Variants in PRKD1 observed in about 807,000 individuals in gnomAD.
PRKD1 encodes protein kinase D1.
PRKD1 carries 63 observed loss-of-function variants against 95.9 expected under a neutral mutation model. The ratio of observed to expected loss-of-function variants is 0.66; its 90% CI spans 0.54 to 0.81. The LOEUF is 0.81. Among genes scored for constraint, PRKD1 ranks in the 30% least tolerant of loss-of-function variants. The probability of loss-of-function intolerance (pLI) is 0.00; values close to 1 mark genes in which losing one functional copy is unlikely to be tolerated. For synonymous variants in PRKD1, 425 were observed against 423.1 expected (o/e 1.00, Z -0.05); for missense variants, 1,048 against 1,165.3 (o/e 0.90, Z 1.47).
At chr14:29,771,351 G>A (rs1016750185) in intron 1 of PRKD1, among the ~76,000 whole-genome samples, 6 of 152,100 alleles carry the variant, frequency 3.9e-5, no homozygotes, top group African/African-American at 1.4e-4. Flanking sequence ...TCAAACAAGG[G>A]CTCTTGGGCA....
chr14:29,772,845 C>T (rs1256828451), intron 1 of PRKD1, among the ~76,000 whole-genome samples: 1 of 152,202 alleles, frequency 6.6e-6, no homozygotes, highest in Non-Finnish European at 1.5e-5. Context: ...AATTTCAGCT[C>T]TCACACATTC....
chr14:29,920,015 G>GGGAAGGAAGGAAGGAAGGAAGGAA (rs398043721), intron 1 of PRKD1, among the ~76,000 whole-genome samples: 4 of 104,392 alleles, frequency 3.8e-5, no homozygotes, highest in Admixed American at 1.1e-4. Context: ...GAAGGAAGGA[G>GGGAAGGAAGGAAGGAAGGAAGGAA]GGAAGGAAGG....
intron 1 of PRKD1, among the ~76,000 whole-genome samples, chr14:29,836,453 T>C (rs937910832): frequency 2.6e-5 from 4 of 152,074 alleles, no homozygotes; most frequent in African/African-American, 4.8e-5. Context: ...ACGTTGTAGG[T>C]GGGGTGCTCC....
intron 1 of PRKD1, among the ~76,000 whole-genome samples, chr14:29,826,024 A>G (rs1004365085): frequency 5.3e-5 from 8 of 151,788 alleles, no homozygotes; most frequent in Non-Finnish European, 1.0e-4. Flanking sequence ...ATGCATGTTT[A>G]TAGTAGCACA....
intron 1 of PRKD1, among the ~76,000 whole-genome samples, chr14:29,765,288 C>T (rs77706228): frequency 0.034 from 5,163 of 152,116 alleles, 141 homozygotes; most frequent in African/African-American, 0.067. Context: ...TAAACACATG[C>T]GAAAGTGCTT....
chr14:29,858,557 C>G (rs943289498), intron 1 of PRKD1, among the ~76,000 whole-genome samples: 7 of 152,124 alleles, frequency 4.6e-5, no homozygotes, highest in African/African-American at 1.7e-4. Flanking sequence ...AAATAATGCC[C>G]TATGGATCAC....
At chr14:29,638,992 T>A in intron 4 of PRKD1, 88 bp from the exon 5 acceptor site, 1 of 971,200 alleles carries the variant, frequency 1.0e-6, no homozygotes, top group Admixed American at 2.5e-5. Flanking sequence ...GGTTTACTCT[T>A]GTATTTAGTA....
intron 1 of PRKD1, among the ~76,000 whole-genome samples, chr14:29,729,061 TAG>T (rs1448715835): frequency 6.6e-6 from 1 of 152,180 alleles, no homozygotes; most frequent in African/African-American, 2.4e-5. Flanking sequence ...TATTTCTTTA[TAG>T]ACCATGCTTT....
intron 1 of PRKD1, among the ~76,000 whole-genome samples, chr14:29,756,317 T>A (rs1177383231): frequency 6.6e-6 from 1 of 152,214 alleles, no homozygotes; most frequent in Non-Finnish European, 1.5e-5. Flanking sequence ...GTTTGAAGTG[T>A]TCTTTCTCTG....
chr14:29,781,095 C>T (rs886233056), intron 1 of PRKD1, among the ~76,000 whole-genome samples: 5 of 132,800 alleles, frequency 3.8e-5, no homozygotes, highest in African/African-American at 8.7e-5. Flanking sequence ...ACAATGAGAA[C>T]ACTTGGACAC....
chr14:29,878,918 T>C (rs1893401145), intron 1 of PRKD1, among the ~76,000 whole-genome samples: 1 of 152,146 alleles, frequency 6.6e-6, no homozygotes, highest in Admixed American at 6.5e-5. Flanking sequence ...GTATCTCTCA[T>C]TACAATAGAA....
chr14:29,749,772 A>T (rs188447325), intron 1 of PRKD1, among the ~76,000 whole-genome samples: 490 of 152,288 alleles, frequency 3.2e-3, no homozygotes, highest in Admixed American at 8.5e-3. Flanking sequence ...GATGATATTT[A>T]AAAAAATCAG....
At chr14:29,836,090 G>A (rs894312897) in intron 1 of PRKD1, among the ~76,000 whole-genome samples, 1 of 152,184 alleles carries the variant, frequency 6.6e-6, no homozygotes, top group Non-Finnish European at 1.5e-5. Flanking sequence ...TCACAGAGGA[G>A]GTGACATGAG....
intron 2 of PRKD1, among the ~76,000 whole-genome samples, chr14:29,715,861 C>G (rs1409448525): frequency 6.6e-6 from 1 of 152,030 alleles, no homozygotes; most frequent in Non-Finnish European, 1.5e-5. Context: ...CCAAATAATC[C>G]AGAGTCAAAT....
At chr14:29,802,179 A>G in intron 1 of PRKD1, among the ~76,000 whole-genome samples, 1 of 152,218 alleles carries the variant, frequency 6.6e-6, no homozygotes, top group East Asian at 1.9e-4. Flanking sequence ...TCTGAAAAAA[A>G]AAAGATGTGA....
Position 29,753,269 on chromosome 14 carries a change from A to G in PRKD1, c.265-27595T>C, listed in dbSNP as rs560043764. Among the ~76,000 whole-genome samples, 11 of 152,262 alleles carry G rather than the reference A, an allele frequency of 7.2e-5. No homozygotes were observed. In the East Asian group the frequency reaches 1.7e-3, roughly 24 times the overall value. On this transcript the variant is annotated intron_variant, in intron 1 of 17. Coordinates refer to ENST00000331968, the MANE Select transcript of PRKD1 (RefSeq NM_002742.3). ...TGATGACAGTGCTGGGGTTTTTACTATGTCATAATGAGTATCCACTATCTG... is the reference window on the plus strand; with the variant it reads ...TGATGACAGTGCTGGGGTTTTTACTGTGTCATAATGAGTATCCACTATCTG...
chr14:29,804,435 C>T (rs149692624), intron 1 of PRKD1, among the ~76,000 whole-genome samples: 106 of 152,160 alleles, frequency 7.0e-4, no homozygotes, highest in African/African-American at 2.5e-3. Context: ...GTCTAACCCA[C>T]GAACATGTCC....
chr14:29,645,957 AT>A (rs912553750), intron 4 of PRKD1, among the ~76,000 whole-genome samples: 8 of 152,032 alleles, frequency 5.3e-5, no homozygotes, highest in African/African-American at 1.7e-4. Context: ...TGTTTACTGG[AT>A]TTTTACTGTC....
At chr14:29,865,775 C>G (rs1361743068) in intron 1 of PRKD1, among the ~76,000 whole-genome samples, 1 of 152,178 alleles carries the variant, frequency 6.6e-6, no homozygotes, top group East Asian at 1.9e-4. Flanking sequence ...GGTCTTGCCA[C>G]TTACCATGTC....
Sources: allele counts gnomAD v4.1 joint callset (sites outside exome capture counted in the v4.1 genomes callset), GRCh38; gene constraint gnomAD v4.1.1; transcripts MANE v1.5; gene names NCBI Gene and HGNC (gene_info 2026-07-23, HGNC 2026-07-21).